The following FNDC5 variants were observed in gnomAD, a reference collection of about 807,000 sequenced individuals.
The protein encoded by FNDC5 is fibronectin type III domain containing 5.
A neutral mutation model predicts 24.6 loss-of-function variants in FNDC5; 10 were observed. The observed-to-expected ratio is 0.41, with a 90% CI of 0.25 to 0.69. The LOEUF (loss-of-function observed/expected upper bound fraction) is 0.69. Ranked by LOEUF, FNDC5 falls within the 30% of genes least tolerant of loss-of-function variation. The pLI, the probability that FNDC5 is intolerant of heterozygous loss-of-function variation, is 0.34. For missense variants in FNDC5, 226 were observed against 282.9 expected (o/e 0.80, Z 1.44); for synonymous variants, 90 against 110.7 (o/e 0.81, Z 1.18).
In FNDC5 at chr1:32,870,748, G is replaced by T. The variant is rs1641166654; in HGVS notation, c.-2C>A. 1.8e-6 allele frequency: 2 copies of T among 1,138,718 alleles called. No homozygotes were observed. Among genetic ancestry groups the T allele is most frequent in the African/African-American group, 3.3e-5 (2 of 60,716 alleles). 70.5% of individuals were successfully genotyped at this position (1,138,718 alleles called of 1,614,324 possible). ...GGCGCTCGGCGACCCGGGGTGTATG[G>T]TGGCTCCTCCGGCCGGCAGGCCCGG... On this transcript the variant is annotated 5_prime_UTR_variant, in exon 1 of 6. Coordinates refer to ENST00000373471, the MANE Select transcript of FNDC5 (RefSeq NM_153756.3).
At position 32,864,043 on chromosome 1, in the gene FNDC5, G is replaced by T; in HGVS notation, c.*251C>A. 2 of 1,420,842 alleles carry T rather than the reference G, an allele frequency of 1.4e-6. No homozygotes were observed. Among genetic ancestry groups the T allele is most frequent in the Non-Finnish European group, 9.2e-7 (1 of 1,085,800 alleles). The allele number at this position is 1,420,842 out of a possible 1,614,324, so 88.0% of individuals were successfully genotyped here. A position where few individuals can be genotyped will look rare whatever the true frequency, so the allele number is the denominator to read the frequency against. On this transcript the variant is annotated 3_prime_UTR_variant, in exon 6 of 6. Transcript: ENST00000373471. ...GCCCCTGGCACCCAGTCTACCCCCA[G>T]CAGTCATCCCTCTGAGTGCAGCCTC...
intron 4 of FNDC5, among the ~76,000 whole-genome samples, chr1:32,865,631 CAG>C (rs961553818): frequency 3.3e-5 from 5 of 152,038 alleles, no homozygotes; most frequent in African/African-American, 1.2e-4. Flanking sequence ...GCCTGGGCAA[CAG>C]AGAGAGACTC....
chr1:32,864,190 A>G lies in FNDC5; in HGVS notation c.*104T>C. ...GGAGATGGAGGGAAGAGATGTAGAG[A>G]GGGCCAGATGTTTGTTGGATAATCA... On this transcript the variant is annotated 3_prime_UTR_variant, in exon 6 of 6. Coordinates refer to ENST00000373471, the MANE Select transcript of FNDC5 (RefSeq NM_153756.3). 1 of 1,610,318 alleles carries G rather than the reference A, an allele frequency of 6.2e-7. No homozygotes were observed. The highest frequency in any genetic ancestry group is 8.5e-7 in the Non-Finnish European group (1 of 1,177,872).
chr1:32,871,560 CTTAA>C (rs1641184989), upstream of FNDC5, among the ~76,000 whole-genome samples: 1 of 152,212 alleles, frequency 6.6e-6, no homozygotes, highest in African/African-American at 2.4e-5. Flanking sequence ...CATTATGTGG[CTTAA>C]TTCTCAGGGC....
chr1:32,864,200 G>C lies in FNDC5; in HGVS notation c.*94C>G. ...GGAAGAGATGTAGAGAGGGCCAGAT[G>C]TTTGTTGGATAATCATCATCAGAAC... On this transcript the variant is annotated 3_prime_UTR_variant, in exon 6 of 6. Coordinates refer to ENST00000373471, the MANE Select transcript of FNDC5 (RefSeq NM_153756.3). The C allele has an allele frequency of 3.1e-6, 5 of 1,612,778 alleles. No individual in the cohort carries two copies. In the South Asian group the frequency reaches 5.5e-5, roughly 18 times the overall value.
chr1:32,865,594 G>T (rs1298264949), intron 4 of FNDC5, among the ~76,000 whole-genome samples: 1 of 152,018 alleles, frequency 6.6e-6, no homozygotes, highest in African/African-American at 2.4e-5. Context: ...AGGTTGCAGT[G>T]AGCTGAGATC....
chr1:32,866,630 TCTC>T (rs967214652), intron 4 of FNDC5, among the ~76,000 whole-genome samples: 2 of 152,010 alleles, frequency 1.3e-5, no homozygotes, highest in Non-Finnish European at 2.9e-5. Context: ...AGTTATTCCC[TCTC>T]CTCTGCTCTC....
At chr1:32,869,033 C>T (rs1569994184) in intron 1 of FNDC5, 36 bp from the exon 2 acceptor site, 2 of 1,168,842 alleles carry the variant, frequency 1.7e-6, no homozygotes, top group East Asian at 3.2e-5. Context: ...CTGAGCATCC[C>T]CTATTGTGAG....
At chr1:32,865,106 T>G (rs1389499258) in intron 4 of FNDC5, among the ~76,000 whole-genome samples, 2 of 151,924 alleles carry the variant, frequency 1.3e-5, no homozygotes, top group Non-Finnish European at 2.9e-5. Context: ...GTTTTGTTTT[T>G]TTGTTGTTTT....
chr1:32,868,117 C>A lies in FNDC5; in HGVS notation c.409+73G>T. ...AAGGGGGAGGAGACAGAGCTTTCCTCAAGCCACCCACTGGTCTGGTCCTGA... is the reference window on the plus strand; with the variant it reads ...AAGGGGGAGGAGACAGAGCTTTCCTAAAGCCACCCACTGGTCTGGTCCTGA... On this transcript the variant is annotated intron_variant, in intron 3 of 5. Coordinates refer to ENST00000373471, the MANE Select transcript of FNDC5 (RefSeq NM_153756.3). The surrounding 1 kb of genome is among the most constrained non-coding windows in gnomAD (Gnocchi z 4.8). 2 of 1,551,856 alleles carry A rather than the reference C, an allele frequency of 1.3e-6. No homozygotes were observed. The highest frequency in any genetic ancestry group is 2.4e-5 in the South Asian group (2 of 84,980).
Position 32,864,677 on chromosome 1 carries a change from A to ACCTT in FNDC5, c.619_620insAAGG (p.Leu207GlnfsTer19). 1 of 1,614,054 alleles carries ACCTT rather than the reference A, an allele frequency of 6.2e-7. No homozygotes were observed. Among genetic ancestry groups the ACCTT allele is most frequent in the Non-Finnish European group, 8.5e-7 (1 of 1,180,020 alleles). Reference sequence around the variant, plus strand: ...TCTTGCCCTCACCTTGCTGCGGAGAAGCCCCCCGCCCTGGTGCTCTGGTGT... The same window carrying ACCTT: ...TCTTGCCCTCACCTTGCTGCGGAGAACCTTGCCCCCCGCCCTGGTGCTCTGGTGT... On this transcript the variant is annotated frameshift_variant, in exon 5 of 6. Coordinates refer to ENST00000373471, the MANE Select transcript of FNDC5 (RefSeq NM_153756.3). LOFTEE classifies it high-confidence loss of function.
intron 1 of FNDC5, among the ~76,000 whole-genome samples, chr1:32,869,798 G>A (rs1339603357): frequency 6.6e-6 from 1 of 152,120 alleles, no homozygotes; most frequent in Non-Finnish European, 1.5e-5. Flanking sequence ...GGGCAGTGCA[G>A]TCACATAAGG....
Position 32,868,175 on chromosome 1 carries a change from G to A in FNDC5, c.409+15C>T. The stretch of plus-strand genomic sequence containing the variant: ...TCACCCCACCCCATTCCTCTTAACA[G>A]TGACCCGGGCCTGCCTTTGTTCTTG... On this transcript the variant is annotated intron_variant, in intron 3 of 5. Coordinates refer to ENST00000373471, the MANE Select transcript of FNDC5 (RefSeq NM_153756.3). The surrounding 1 kb of genome is among the most constrained non-coding windows in gnomAD (Gnocchi z 4.8). The A allele has an allele frequency of 6.2e-7, 1 of 1,613,376 alleles. No homozygotes were observed. The highest frequency in any genetic ancestry group is 8.5e-7 in the Non-Finnish European group (1 of 1,179,802).
Position 32,862,758 on chromosome 1 carries a change from G to A in FNDC5, c.*1536C>T, listed in dbSNP as rs1640990268. On this transcript the variant is annotated 3_prime_UTR_variant, in exon 6 of 6. Transcript: ENST00000373471. ...CGTAACTCGTCAGTCCTAGGGAAGA[G>A]TCTACCTTCCCTCATCAAGCACCAT... 6.6e-6 allele frequency: 1 copy of A among 152,658 alleles called. No homozygotes were observed. Among genetic ancestry groups the A allele is most frequent in the Admixed American group, 6.5e-5 (1 of 15,286 alleles). The allele number at this position is 152,658 out of a possible 1,614,324, so 9.5% of individuals were successfully genotyped here. A position where few individuals can be genotyped will look rare whatever the true frequency, so the allele number is the denominator to read the frequency against.
At chr1:32,869,204 C>G (rs950709604) in intron 1 of FNDC5, among the ~76,000 whole-genome samples, 1 of 152,252 alleles carries the variant, frequency 6.6e-6, no homozygotes, top group African/African-American at 2.4e-5. Context: ...CTCCTCATGA[C>G]TGGGACGGAA....
intron 1 of FNDC5, among the ~76,000 whole-genome samples, chr1:32,870,127 C>T (rs958892247): frequency 6.6e-6 from 1 of 152,056 alleles, no homozygotes; most frequent in African/African-American, 2.4e-5. Flanking sequence ...TGGGCAAGGA[C>T]GGGCCGGCCC....
At chr1:32,864,408 G>A (rs776881064) in intron 5 of FNDC5, 109 bp from the exon 6 acceptor site, 39 of 1,530,636 alleles carry the variant, frequency 2.5e-5, no homozygotes, top group Non-Finnish European at 3.2e-5. Flanking sequence ...ATTGTCCCGC[G>A]CCAACCAAGA....
chr1:32,864,266 C>T lies in FNDC5; in HGVS notation c.*28G>A. 6.2e-7 allele frequency: 1 copy of T among 1,614,176 alleles called. No individual in the cohort carries two copies. Among genetic ancestry groups the T allele is most frequent in the Non-Finnish European group, 8.5e-7 (1 of 1,180,024 alleles). On this transcript the variant is annotated 3_prime_UTR_variant, in exon 6 of 6. Coordinates refer to ENST00000373471, the MANE Select transcript of FNDC5 (RefSeq NM_153756.3). The stretch of plus-strand genomic sequence containing the variant: ...CATTCTCTACTGTCTGTCTTCTTAG[C>T]TGCTGAGGGCAAGCACTGAAAAGGT...
At chr1:32,870,304 CAGAG>C (rs1641154874) in intron 1 of FNDC5, among the ~76,000 whole-genome samples, 1 of 152,086 alleles carries the variant, frequency 6.6e-6, no homozygotes, top group African/African-American at 2.4e-5. Flanking sequence ...CCTGGGGACA[CAGAG>C]AGAGGCCCAG....
Sources: gnomAD v4.1 joint callset for allele counts (sites outside exome capture counted in the v4.1 genomes callset) on GRCh38, gnomAD v4.1.1 for gene constraint, Gnocchi (gnomAD v3.1) non-coding constraint, MANE v1.5 for transcripts, NCBI Gene and HGNC (gene_info 2026-07-23, HGNC 2026-07-21) for gene names.